The following ZFHX3 variants were observed in gnomAD, a reference collection of about 807,000 sequenced individuals.
ZFHX3 encodes the protein zinc finger homeobox 3, also known as zinc finger homeobox protein 3.
ZFHX3 carries 42 observed loss-of-function variants against 279.1 expected under a neutral mutation model. The ratio of observed to expected loss-of-function variants is 0.15; its 90% confidence interval spans 0.12 to 0.19. The LOEUF is 0.19. Among genes scored for constraint, ZFHX3 ranks in the 10% least tolerant of loss-of-function variants. ZFHX3 has a pLI of 1.00. For missense variants in ZFHX3, 4,981 were observed against 4,754.0 expected (o/e 1.05, Z -1.40); for synonymous variants, 2,293 against 1,957.8 (o/e 1.17, Z -4.52).
intron 5 of ZFHX3, among the ~76,000 whole-genome samples, chr16:73,163,671 C>T (rs59029059): frequency 0.25 from 38,131 of 152,032 alleles, 4,947 homozygotes; most frequent in Admixed American, 0.35. Flanking sequence ...GAAGAGTGCA[C>T]GTTTCCTGCA....
chr16:72,956,396 C>G (rs961293799), intron 2 of ZFHX3, among the ~76,000 whole-genome samples: 9 of 152,216 alleles, frequency 5.9e-5, no homozygotes, highest in Admixed American at 5.2e-4. Context: ...AGGCAGGATC[C>G]TGTTTGAAGC....
At chr16:73,284,241 C>T (rs767816535) in intron 4 of ZFHX3, among the ~76,000 whole-genome samples, 2 of 140,476 alleles carry the variant, frequency 1.4e-5, no homozygotes, top group Non-Finnish European at 3.0e-5. Flanking sequence ...TGCTTGAACT[C>T]GGAGGGCAGA....
In ZFHX3 at chr16:72,788,566, C is replaced by G. The variant is rs144307330; in HGVS notation, c.9710G>C (p.Ser3237Thr). The G allele has an allele frequency of 2.4e-5, 38 of 1,613,972 alleles. No homozygotes were observed. The African/African-American group carries it at 3.3e-4, about 14-fold the overall frequency. ...QQQQQRKDKD[S>T]EKVKEKEKAH... ...CTTTTCCTTCTCCTTTACTTTCTCA[C>G]TGTCTTTGTCCTTGCGTTGCTGCTG... The change falls in exon 10 of 10, where the codon AGT becomes ACT. Residue 3237 changes from serine to threonine, a missense_variant. Ser to Thr is a moderately conservative substitution (Grantham distance 58, BLOSUM62 1). Coordinates refer to ENST00000268489, the MANE Select transcript of ZFHX3 (RefSeq NM_006885.4).
At chr16:73,492,624 C>G (rs1235825780) in intron 2 of ZFHX3, among the ~76,000 whole-genome samples, 1 of 152,212 alleles carries the variant, frequency 6.6e-6, no homozygotes, top group East Asian at 1.9e-4. Context: ...GACTAAAAGC[C>G]TCCCCCTTAC....
intron 1 of ZFHX3, among the ~76,000 whole-genome samples, chr16:73,784,606 G>T (rs1959577813): frequency 6.6e-6 from 1 of 151,710 alleles, no homozygotes; most frequent in South Asian, 2.1e-4. Context: ...AATTAGCTGG[G>T]GGTGGTGGCA....
Position 73,865,400 on chromosome 16 carries a change from C to T in ZFHX3, c.-1608+26251G>A, listed in dbSNP as rs1167921920. 2.0e-5 allele frequency among the ~76,000 whole-genome samples: 3 copies of T among 152,046 alleles called. No homozygotes were observed. The South Asian group carries it at 6.2e-4, about 32-fold the overall frequency. The stretch of plus-strand genomic sequence containing the variant: ...GACATGTATGGGAAGGGTTTGGGGC[C>T]GGTGTGGGGTGGGCATGAGGCACCT... On this transcript the variant is annotated intron_variant, in intron 1 of 17. Coordinates refer to the ZFHX3 transcript ENST00000641206.
chr16:72,998,821 CG>C (rs1963387670), intron 1 of ZFHX3, among the ~76,000 whole-genome samples: 2 of 152,166 alleles, frequency 1.3e-5, no homozygotes, highest in South Asian at 4.1e-4. Flanking sequence ...TTAAGCTGCC[CG>C]GGCCTGGAGT....
chr16:73,270,889 T>G (rs1414039987), intron 4 of ZFHX3, among the ~76,000 whole-genome samples: 1 of 152,202 alleles, frequency 6.6e-6, no homozygotes, highest in Non-Finnish European at 1.5e-5. Context: ...AGGTTGCAAT[T>G]AGAACACTCG....
intron 2 of ZFHX3, among the ~76,000 whole-genome samples, chr16:73,547,459 C>G (rs1305321703): frequency 6.6e-6 from 1 of 152,158 alleles, no homozygotes; most frequent in African/African-American, 2.4e-5. Flanking sequence ...TTGACTTTTC[C>G]TTTAGTTCCA....
At chr16:73,341,011 G>A (rs551122410) in intron 3 of ZFHX3, among the ~76,000 whole-genome samples, 2 of 152,178 alleles carry the variant, frequency 1.3e-5, no homozygotes, top group Admixed American at 6.5e-5. Flanking sequence ...TTGTATCACC[G>A]GCCAAAGGCT....
intron 5 of ZFHX3, among the ~76,000 whole-genome samples, chr16:73,156,156 C>T (rs745801900): frequency 3.4e-5 from 5 of 146,584 alleles, no homozygotes; most frequent in African/African-American, 1.0e-4. Context: ...GGTGTGAACC[C>T]GGGAGGCAGA....
intron 1 of ZFHX3, among the ~76,000 whole-genome samples, chr16:72,995,468 T>G (rs564661961): frequency 6.6e-6 from 1 of 152,108 alleles, no homozygotes; most frequent in Non-Finnish European, 1.5e-5. Context: ...ATAAAGGAAA[T>G]TAAACCGCTG....
chr16:73,672,980 C>A (rs2052918894), intron 2 of ZFHX3, among the ~76,000 whole-genome samples: 1 of 152,134 alleles, frequency 6.6e-6, no homozygotes, highest in African/African-American at 2.4e-5. Flanking sequence ...AATACAATTA[C>A]TTGCAACAAC....
intron 2 of ZFHX3, among the ~76,000 whole-genome samples, chr16:73,549,005 A>T (rs2020164784): frequency 6.6e-6 from 1 of 152,188 alleles, no homozygotes; most frequent in South Asian, 2.1e-4. Context: ...AAAAAAATGT[A>T]TATGCAATTT....
chr16:73,372,899 G>A lies in ZFHX3; in HGVS notation c.-1290-54563C>T, dbSNP rs932395633. ...ACCTACATCCGAAACATACACCCTCGCATGCAGACACCTTCACACACACCT... is the reference window on the plus strand; with the variant it reads ...ACCTACATCCGAAACATACACCCTCACATGCAGACACCTTCACACACACCT... On this transcript the variant is annotated intron_variant, in intron 3 of 17. Transcript: ENST00000641206. 5.9e-5 allele frequency among the ~76,000 whole-genome samples: 9 copies of A among 152,068 alleles called. No homozygotes were observed. The East Asian group carries it at 7.7e-4, about 13-fold the overall frequency.
intron 3 of ZFHX3, among the ~76,000 whole-genome samples, chr16:72,908,235 G>GT (rs1347425114): frequency 2.6e-5 from 4 of 152,210 alleles, no homozygotes; most frequent in Admixed American, 1.3e-4. Context: ...TCATTCTGCA[G>GT]TGAGAACATG....
intron 5 of ZFHX3, among the ~76,000 whole-genome samples, chr16:73,199,016 C>T (rs910627098): frequency 3.3e-5 from 5 of 152,152 alleles, no homozygotes; most frequent in East Asian, 3.8e-4. Context: ...ACTTTGTGAA[C>T]GTCCCGTTCA....
chr16:73,845,122 G>A (rs868351415), intron 1 of ZFHX3, among the ~76,000 whole-genome samples: 3 of 152,166 alleles, frequency 2.0e-5, no homozygotes, highest in Non-Finnish European at 4.4e-5. Flanking sequence ...TGAAGGAAGT[G>A]AGTTTGAAGT....
chr16:72,926,150 A>T (rs1567587307), intron 3 of ZFHX3, among the ~76,000 whole-genome samples: 1 of 152,226 alleles, frequency 6.6e-6, no homozygotes, highest in Non-Finnish European at 1.5e-5. Context: ...AACAAGGAAT[A>T]ATGTTGTTAT....
Sources: gnomAD v4.1 joint callset for allele counts (sites outside exome capture counted in the v4.1 genomes callset) on GRCh38, gnomAD v4.1.1 for gene constraint, MANE v1.5 for transcripts, NCBI Gene and HGNC (gene_info 2026-07-23, HGNC 2026-07-21) for gene names.